Variants in DHX9 observed in about 807,000 individuals in gnomAD.
The protein encoded by DHX9 is DExH-box helicase 9, also known as ATP-dependent RNA helicase A.
In DHX9, 27 loss-of-function variants were observed where a neutral mutation model predicts 148.7. That is an observed-to-expected ratio of 0.18 (90% confidence interval 0.13 to 0.25). The LOEUF is 0.25. DHX9 is among the 10% of genes least tolerant of loss of function. The probability of loss-of-function intolerance (pLI) is 1.00; values close to 1 mark genes in which losing one functional copy is unlikely to be tolerated. For missense variants in DHX9, 796 were observed against 1,559.6 expected (o/e 0.51, Z 8.25); for synonymous variants, 529 against 516.6 (o/e 1.02, Z -0.33).
intron 3 of DHX9, among the ~76,000 whole-genome samples, chr1:182,845,449 T>A (rs1668011838): frequency 6.6e-6 from 1 of 152,184 alleles, no homozygotes; most frequent in African/African-American, 2.4e-5. Flanking sequence ...AAAACAATTT[T>A]CCTCTTCTCT....
At chr1:182,850,967 T>C (rs2102594116) in intron 3 of DHX9, among the ~76,000 whole-genome samples, 1 of 152,216 alleles carries the variant, frequency 6.6e-6, no homozygotes, top group East Asian at 1.9e-4. Context: ...TTTAGGTTGG[T>C]GTAGATAGAG....
At chr1:182,843,270 T>C (rs1667964571) in intron 2 of DHX9, 24 bp from the exon 3 acceptor site, 3 of 1,545,474 alleles carry the variant, frequency 1.9e-6, no homozygotes, top group Non-Finnish European at 2.6e-6. Flanking sequence ...GTCAGTCTCT[T>C]AGTACTTTTT....
At chr1:182,840,879 G>A (rs558228430) in intron 1 of DHX9, among the ~76,000 whole-genome samples, 1 of 152,304 alleles carries the variant, frequency 6.6e-6, no homozygotes, top group Non-Finnish European at 1.5e-5. Flanking sequence ...GAAATGTAGG[G>A]GTAGGGTGTT....
intron 7 of DHX9, 101 bp downstream of exon 7, chr1:182,856,679 A>G: frequency 1.0e-6 from 1 of 975,232 alleles, no homozygotes; most frequent in Non-Finnish European, 1.6e-6. Context: ...TATTATTTGA[A>G]AGAGCACATA....
Position 182,863,110 on chromosome 1 carries a change from ATAT to A in DHX9, c.1332+2930_1332+2932del, listed in dbSNP as rs1364774220. 5.3e-5 allele frequency among the ~76,000 whole-genome samples: 8 copies of A among 152,348 alleles called. No homozygotes were observed. In the East Asian group the frequency reaches 7.7e-4, roughly 15 times the overall value. ...ATTCTTCCAGCTTTCTGTTGGAAAA[ATAT>A]TATCCTTTGCTTTCATCACTGGTAC... On this transcript the variant is annotated intron_variant, in intron 12 of 27. Transcript: ENST00000367549.
intron 24 of DHX9, 82 bp from the exon 25 acceptor site, chr1:182,883,056 CT>C (rs1437782061): frequency 1.2e-5 from 11 of 941,868 alleles, no homozygotes; most frequent in African/African-American, 1.6e-5. Flanking sequence ...AGTCAGTTCT[CT>C]GAATTATCTT....
rs72727046 is a variant in DHX9, at chr1:182,873,931, G to A, written c.1715-923G>A. ...AAGCCCATAACGATGGGGATAAAGGGACACAGGAGCCAACCTGAAAGAGTT... is the reference window on the plus strand; with the variant it reads ...AAGCCCATAACGATGGGGATAAAGGAACACAGGAGCCAACCTGAAAGAGTT... On this transcript the variant is annotated intron_variant, in intron 15 of 27. Coordinates refer to ENST00000367549, the MANE Select transcript of DHX9 (RefSeq NM_001357.5). 7.0e-3 allele frequency among the ~76,000 whole-genome samples: 1,072 copies of A among 152,256 alleles called. 13 individuals carry two copies. The highest frequency in any genetic ancestry group is 6.8e-3 in the Non-Finnish European group (464 of 68,016).
At position 182,874,992 on chromosome 1, in the gene DHX9, AT is replaced by A. The variant is rs1648695461; in HGVS notation, c.1815+40del. On this transcript the variant is annotated intron_variant, in intron 16 of 27. Transcript: ENST00000367549. ...CATGAAGAATTTCCATTATGGGCAA[AT>A]TGTCAATGCAGAGAAAAAAATGAGT... is the stretch of plus-strand genomic sequence containing the variant. 3 of 1,517,278 alleles carry A rather than the reference AT, an allele frequency of 2.0e-6. No homozygotes were observed. The African/African-American group carries it at 4.1e-5, about 21-fold the overall frequency. 94.0% of individuals were successfully genotyped at this position (1,517,278 alleles called of 1,614,324 possible). A position where few individuals can be genotyped will look rare whatever the true frequency, so the allele number is the denominator to read the frequency against.
intron 26 of DHX9, 133 bp downstream of exon 26, chr1:182,883,768 T>C: frequency 1.9e-6 from 1 of 515,134 alleles, no homozygotes; most frequent in Non-Finnish European, 3.3e-6. Context: ...TAATCTTAAA[T>C]TGATACCAGT....
intron 18 of DHX9, 139 bp downstream of exon 18, chr1:182,876,680 T>C: frequency 1.1e-6 from 1 of 938,910 alleles, no homozygotes; most frequent in Non-Finnish European, 1.6e-6. Context: ...CTTTCTGAGC[T>C]TAGTAGATTG....
chr1:182,878,223 T>TA (rs1648912423), intron 20 of DHX9, 50 bp downstream of exon 20: 1 of 1,597,904 alleles, frequency 6.3e-7, no homozygotes, highest in East Asian at 2.2e-5. Flanking sequence ...CTGTTCTCTG[T>TA]AGGGACAGAT....
intron 26 of DHX9, among the ~76,000 whole-genome samples, chr1:182,883,867 C>G (rs1349328768): frequency 6.6e-6 from 1 of 152,114 alleles, no homozygotes; most frequent in Non-Finnish European, 1.5e-5. Context: ...CTTGAGTACC[C>G]TTTCACATAC....
At chr1:182,872,771 T>C (rs1470082621) in intron 15 of DHX9, among the ~76,000 whole-genome samples, 1 of 152,156 alleles carries the variant, frequency 6.6e-6, no homozygotes, top group African/African-American at 2.4e-5. Flanking sequence ...CTTTTAAAAA[T>C]TATAAAGTAT....
At chr1:182,846,396 G>A (rs1668030619) in intron 3 of DHX9, among the ~76,000 whole-genome samples, 1 of 152,082 alleles carries the variant, frequency 6.6e-6, no homozygotes, top group Non-Finnish European at 1.5e-5. Context: ...CGCCATGCCC[G>A]GCTAATTTTG....
intron 20 of DHX9, among the ~76,000 whole-genome samples, chr1:182,878,601 G>A (rs1571320008): frequency 6.6e-6 from 1 of 152,174 alleles, no homozygotes; most frequent in African/African-American, 2.4e-5. Flanking sequence ...CTCCCAATAA[G>A]TGTTTGCTGT....
chr1:182,844,659 A>C (rs1667995343), intron 3 of DHX9, among the ~76,000 whole-genome samples: 1 of 152,044 alleles, frequency 6.6e-6, no homozygotes, highest in Admixed American at 6.6e-5. Flanking sequence ...TCAGTCTCCT[A>C]AGTAGCTGGG....
At position 182,883,627 on chromosome 1, in the gene DHX9, A is replaced by G. The variant is rs373752674; in HGVS notation, c.3252A>G (p.Val1084=). 9.3e-6 allele frequency: 15 copies of G among 1,611,920 alleles called. No homozygotes were observed. Among genetic ancestry groups the G allele is most frequent in the East Asian group, 4.5e-5 (2 of 44,848 alleles). ...KVQSDGQIVL[V]DDWIKLQISH... ...AATCTGATGGGCAGATTGTGCTTGT[A>G]GATGACTGGTATGGATTTTCAGATG... The change falls in exon 26 of 28, where the codon GTA becomes GTG. Residue 1084 remains valine, a synonymous_variant. Coordinates refer to ENST00000367549, the MANE Select transcript of DHX9 (RefSeq NM_001357.5).
chr1:182,858,098 T>C lies in DHX9; in HGVS notation c.674-6T>C. 6.2e-7 allele frequency: 1 copy of C among 1,610,238 alleles called. No homozygotes were observed. The highest frequency in any genetic ancestry group is 8.5e-7 in the Non-Finnish European group (1 of 1,179,108). On this transcript the variant is annotated splice_region_variant and splice_polypyrimidine_tract_variant and intron_variant, in intron 7 of 27. Coordinates refer to ENST00000367549, the MANE Select transcript of DHX9 (RefSeq NM_001357.5). ...TCTGTCTGATAATCCTGACCTTACA[T>C]TATAGGGATTTTTGCACGAGAACAT...
chr1:182,854,706 C>T (rs1668223755), intron 6 of DHX9, among the ~76,000 whole-genome samples: 2 of 152,182 alleles, frequency 1.3e-5, no homozygotes, highest in African/African-American at 4.8e-5. Flanking sequence ...CGAAAAGGAA[C>T]AGCCTTGGTC....
Sources: allele counts gnomAD v4.1 joint callset (sites outside exome capture counted in the v4.1 genomes callset), GRCh38; gene constraint gnomAD v4.1.1; transcripts MANE v1.5; gene names NCBI Gene and HGNC (gene_info 2026-07-23, HGNC 2026-07-21).